The following ADAMTSL1 variants were observed in gnomAD, a reference collection of about 807,000 sequenced individuals.
The protein encoded by ADAMTSL1 is ADAMTS like 1.
A neutral mutation model predicts 201.8 loss-of-function variants in ADAMTSL1; 126 were observed. That is an observed-to-expected ratio of 0.62 (90% CI 0.54 to 0.72). The LOEUF (loss-of-function observed/expected upper bound fraction) is 0.72. Among genes scored for constraint, ADAMTSL1 ranks in the 30% least tolerant of loss-of-function variants. ADAMTSL1 has a pLI of 0.00. For missense variants in ADAMTSL1, 2,679 were observed against 2,277.8 expected (o/e 1.18, Z -3.59); for synonymous variants, 1,121 against 903.4 (o/e 1.24, Z -4.32).
At chr9:18,515,834 G>T (rs1458153402) in intron 2 of ADAMTSL1, among the ~76,000 whole-genome samples, 1 of 152,072 alleles carries the variant, frequency 6.6e-6, no homozygotes, top group Non-Finnish European at 1.5e-5. Context: ...AGTATTAAAT[G>T]AACTAAGTGA....
chr9:18,454,387 A>C (rs1366719364), intron 2 of ADAMTSL1, among the ~76,000 whole-genome samples: 1 of 152,170 alleles, frequency 6.6e-6, no homozygotes, highest in East Asian at 1.9e-4. Context: ...CATTGAGGGC[A>C]GATCTTCCCC....
chr9:18,019,538 C>A (rs1209535716), intron 1 of ADAMTSL1, among the ~76,000 whole-genome samples: 1 of 152,102 alleles, frequency 6.6e-6, no homozygotes, highest in Non-Finnish European at 1.5e-5. Flanking sequence ...CTCACACATT[C>A]TCTCAGTAGG....
At chr9:17,983,790 G>C (rs1818816666) in intron 1 of ADAMTSL1, among the ~76,000 whole-genome samples, 1 of 152,062 alleles carries the variant, frequency 6.6e-6, no homozygotes, top group African/African-American at 2.4e-5. Flanking sequence ...CATTTTGTTT[G>C]TTAGTGAGGC....
chr9:17,996,876 C>G (rs1001028373), intron 1 of ADAMTSL1, among the ~76,000 whole-genome samples: 4 of 152,122 alleles, frequency 2.6e-5, no homozygotes, highest in Admixed American at 1.3e-4. Context: ...TTTTTGGTAA[C>G]ATAAGCTGCA....
At chr9:17,949,152 A>G (rs1430457369) in intron 1 of ADAMTSL1, among the ~76,000 whole-genome samples, 1 of 152,248 alleles carries the variant, frequency 6.6e-6, no homozygotes, top group African/African-American at 2.4e-5. Flanking sequence ...TAAAATACAC[A>G]TAAAGCCTCC....
chr9:18,135,507 G>A (rs1242345859), intron 1 of ADAMTSL1, among the ~76,000 whole-genome samples: 3 of 152,120 alleles, frequency 2.0e-5, no homozygotes, highest in Non-Finnish European at 4.4e-5. Context: ...CATCAGAAAT[G>A]TAGGACTGCC....
rs142532642 is a variant in ADAMTSL1 at position 18,504,956 on chromosome 9, A to G, written c.191A>G (p.Lys64Arg). The change falls in exon 2 of 29, where the codon AAG becomes AGG. Residue 64 changes from lysine to arginine, a missense_variant and splice_region_variant. Physicochemically the swap from Lys to Arg is conservative, Grantham distance 26. Coordinates refer to ENST00000380548, the MANE Select transcript of ADAMTSL1 (RefSeq NM_001040272.6). ...SYSLRRCLSS[K>R]SCEGRNIRYR... ...TCTCTGAGGCGCTGCCTGAGCAGCA[A>G]GTAAGTCCTGCACCCGTTGGGGGTC... is the stretch of plus-strand genomic sequence containing the variant. 38 of 1,606,914 alleles carry G rather than the reference A, an allele frequency of 2.4e-5. No individual in the cohort carries two copies. Among genetic ancestry groups the G allele is most frequent in the Non-Finnish European group, 3.1e-5 (37 of 1,178,902 alleles).
At chr9:18,203,898 G>T (rs1437887956) in intron 2 of ADAMTSL1, among the ~76,000 whole-genome samples, 1 of 152,080 alleles carries the variant, frequency 6.6e-6, no homozygotes, top group Non-Finnish European at 1.5e-5. Context: ...ATGGAGTTGA[G>T]AAGGAAAGAG....
intron 1 of ADAMTSL1, among the ~76,000 whole-genome samples, chr9:17,949,363 G>A (rs35991112): frequency 0.093 from 14,123 of 151,812 alleles, 835 homozygotes; most frequent in South Asian, 0.21. Context: ...TGCCCAGAAG[G>A]TACTGAAGGG....
chr9:18,876,301 C>CGTGT lies in ADAMTSL1; in HGVS notation c.4250-11504_4250-11501dup, dbSNP rs59150507. On this transcript the variant is annotated intron_variant, in intron 23 of 28. Coordinates refer to ENST00000380548, the MANE Select transcript of ADAMTSL1 (RefSeq NM_001040272.6). Reference sequence around the variant, plus strand: ...TATTGTGCTAGTTGTTGCCTGAATACGTGTGTGTGTGTGTGTGTGTGTGTG... The same window carrying CGTGT: ...TATTGTGCTAGTTGTTGCCTGAATACGTGTGTGTGTGTGTGTGTGTGTGTGTGTG... Among the ~76,000 whole-genome samples, 362 of 139,710 alleles carry CGTGT rather than the reference C, an allele frequency of 2.6e-3. 1 individual carries two copies. The highest frequency in any genetic ancestry group is 5.5e-3 in the Admixed American group (77 of 14,084). The allele number at this position is 139,710 out of a possible 152,430, so 91.7% of individuals were successfully genotyped here.
intron 2 of ADAMTSL1, among the ~76,000 whole-genome samples, chr9:18,372,966 G>T (rs1837113141): frequency 6.6e-6 from 1 of 152,144 alleles, no homozygotes; most frequent in South Asian, 2.1e-4. Flanking sequence ...ATTCTGTCCT[G>T]GGCATATTAT....
At chr9:17,933,388 T>C (rs762917232) in intron 1 of ADAMTSL1, among the ~76,000 whole-genome samples, 10 of 152,160 alleles carry the variant, frequency 6.6e-5, no homozygotes, top group Non-Finnish European at 1.5e-4. Context: ...TGAAATTCCT[T>C]AACTTACCTA....
intron 1 of ADAMTSL1, among the ~76,000 whole-genome samples, chr9:18,483,640 A>G (rs1372637303): frequency 6.6e-6 from 1 of 152,190 alleles, no homozygotes; most frequent in East Asian, 1.9e-4. Context: ...ATCCTCGCTA[A>G]CACGGTGAAA....
intron 15 of ADAMTSL1, among the ~76,000 whole-genome samples, chr9:18,744,726 G>A (rs1404893644): frequency 6.6e-6 from 1 of 152,170 alleles, no homozygotes; most frequent in African/African-American, 2.4e-5. Flanking sequence ...TTCAACTGCA[G>A]GGTGGCAGAG....
chr9:18,438,065 C>T (rs750705429), intron 2 of ADAMTSL1, among the ~76,000 whole-genome samples: 2 of 152,020 alleles, frequency 1.3e-5, no homozygotes, highest in Non-Finnish European at 2.9e-5. Context: ...TTTGTTAACG[C>T]GTGCTTGATG....
intron 23 of ADAMTSL1, among the ~76,000 whole-genome samples, chr9:18,837,882 T>A (rs530663973): frequency 7.9e-4 from 120 of 152,228 alleles, no homozygotes; most frequent in Non-Finnish European, 1.4e-3. Context: ...GACACCAAGG[T>A]CTTATGGGAG....
rs1564099599 is a variant in ADAMTSL1 at position 18,626,866 on chromosome 9, T to TCTTA, written c.601+4499_601+4500insTACT. 8.5e-5 allele frequency among the ~76,000 whole-genome samples: 11 copies of TCTTA among 129,152 alleles called. No homozygotes were observed. In the East Asian group the frequency reaches 2.2e-3, roughly 26 times the overall value. 84.7% of individuals were successfully genotyped at this position (129,152 alleles called of 152,430 possible). On this transcript the variant is annotated intron_variant, in intron 5 of 28. Coordinates refer to ENST00000380548, the MANE Select transcript of ADAMTSL1 (RefSeq NM_001040272.6). Reference sequence around the variant, plus strand: ...TTCTTTCTTTCTTTCTTTCTTTCTTTCTGTCTTTCTTCCTTCCTTCCTTCC... The same window carrying TCTTA: ...TTCTTTCTTTCTTTCTTTCTTTCTTTCTTACTGTCTTTCTTCCTTCCTTCCTTCC...
At chr9:18,292,867 G>A (rs78913401) in intron 2 of ADAMTSL1, among the ~76,000 whole-genome samples, 9,281 of 152,120 alleles carry the variant, frequency 0.061, 954 homozygotes, top group African/African-American at 0.21. Flanking sequence ...ACCTATCATG[G>A]GATTACCTTG....
At chr9:18,383,322 ACT>A (rs1218494310) in intron 2 of ADAMTSL1, among the ~76,000 whole-genome samples, 1 of 152,140 alleles carries the variant, frequency 6.6e-6, no homozygotes, top group African/African-American at 2.4e-5. Flanking sequence ...AGGAGAGGAC[ACT>A]GTCACCCCGG....
Sources: allele counts gnomAD v4.1 joint callset (sites outside exome capture counted in the v4.1 genomes callset), GRCh38; gene constraint gnomAD v4.1.1; transcripts MANE v1.5; gene names NCBI Gene and HGNC (gene_info 2026-07-23, HGNC 2026-07-21).